CCAR1: variants seen among roughly 807,000 people sequenced by gnomAD.
CCAR1 encodes cell division cycle and apoptosis regulator 1.
In CCAR1, 78 loss-of-function variants were observed where a neutral mutation model predicts 163.8. That is an observed-to-expected ratio of 0.48 (90% CI 0.40 to 0.57). The LOEUF (loss-of-function observed/expected upper bound fraction) is 0.57. Among genes scored for constraint, CCAR1 ranks in the 20% least tolerant of loss-of-function variants. The pLI is 0.00. For synonymous variants in CCAR1, 443 were observed against 460.7 expected, an observed-to-expected ratio of 0.96 and a Z score of 0.49; for missense variants, 1,019 against 1,365.2, an observed-to-expected ratio of 0.75 and a Z score of 4.00.
chr10:68,786,212 A>G lies in CCAR1; in HGVS notation c.2727A>G (p.Lys909=). 1.3e-6 allele frequency: 2 copies of G among 1,598,468 alleles called. No individual in the cohort carries two copies. Among genetic ancestry groups the G allele is most frequent in the Admixed American group, 3.3e-5 (2 of 59,784 alleles). ...INRYCKERPS[K]DKEKEKTQMI... ...GATACTGCAAGGAGAGGCCCTCTAA[A>G]GATAAGGTGTTTATTGAATACTGTA... Residue 909 remains lysine (K), a synonymous_variant, in exon 20 of 25, where the codon AAA becomes AAG. Transcript: ENST00000265872.
intron 2 of CCAR1, among the ~76,000 whole-genome samples, chr10:68,733,909 C>T (rs1326170677): frequency 1.3e-5 from 2 of 152,116 alleles, no homozygotes; most frequent in East Asian, 1.9e-4. Context: ...GGTGATCTAC[C>T]CTGCTCAGCC....
At chr10:68,780,081 A>T (rs2056717567) in intron 19 of CCAR1, among the ~76,000 whole-genome samples, 1 of 152,248 alleles carries the variant, frequency 6.6e-6, no homozygotes, top group Non-Finnish European at 1.5e-5. Context: ...CAAGTTTCGG[A>T]TGAGACAGTT....
chr10:68,762,681 A>C (rs1449757500), intron 16 of CCAR1, among the ~76,000 whole-genome samples: 1 of 152,230 alleles, frequency 6.6e-6, no homozygotes, highest in Non-Finnish European at 1.5e-5. Flanking sequence ...TTACTTCCAG[A>C]AATGTTTGCT....
rs1002966204 is a variant in CCAR1 at position 68,747,262 on chromosome 10, C to T, written c.620C>T (p.Thr207Ile). ...PFKWNAQRIQ[T>I]LPNQNQSQTQ... is the part of the protein sequence containing the mutation. ...AAATGGAATGCACAGAGAATTCAAA[C>T]ACTACCAAATCAGGTACAGAAAGTA... The change falls in exon 7 of 25, where the codon ACA (threonine) becomes ATA (isoleucine). Residue 207 changes from threonine (T) to isoleucine (I), a missense_variant. Around this residue, in one of 4 missense-constraint regions of CCAR1, gnomAD observed 644 missense variants for 904.4 expected, o/e 0.71. Coordinates refer to ENST00000265872, the MANE Select transcript of CCAR1 (RefSeq NM_018237.4). 1.2e-6 allele frequency: 2 copies of T among 1,604,548 alleles called. No homozygotes were observed. The highest frequency in any genetic ancestry group is 1.7e-6 in the Non-Finnish European group (2 of 1,173,674).
chr10:68,791,447 G>T lies in CCAR1; in HGVS notation c.*181G>T. ...TTTTGAAAATTGCTTGTAATTCCTA[G>T]CCTTCAAATTATTAAACACTCCTTG... is the stretch of plus-strand genomic sequence containing the variant. On this transcript the variant is annotated 3_prime_UTR_variant, in exon 25 of 25. Coordinates refer to ENST00000265872, the MANE Select transcript of CCAR1 (RefSeq NM_018237.4). 1 of 438,322 alleles carries T rather than the reference G, an allele frequency of 2.3e-6. No homozygotes were observed. The allele number at this position is 438,322 out of a possible 1,614,324, so 27.2% of individuals were successfully genotyped here.
At chr10:68,731,839 C>T (rs935573901) in intron 2 of CCAR1, among the ~76,000 whole-genome samples, 1 of 152,070 alleles carries the variant, frequency 6.6e-6, no homozygotes, top group South Asian at 2.1e-4. Flanking sequence ...AATTCACCCA[C>T]CTTGGCCTCC....
At chr10:68,736,036 A>C (rs1450437757) in intron 2 of CCAR1, among the ~76,000 whole-genome samples, 1 of 151,976 alleles carries the variant, frequency 6.6e-6, no homozygotes, top group Non-Finnish European at 1.5e-5. Flanking sequence ...TATTTTTAGT[A>C]GAGATGGGGT....
At chr10:68,741,038 T>C (rs2133332225) in intron 5 of CCAR1, among the ~76,000 whole-genome samples, 1 of 151,862 alleles carries the variant, frequency 6.6e-6, no homozygotes, top group South Asian at 2.1e-4. Context: ...CTCAGCCTCC[T>C]GAGTAGCTGG....
chr10:68,766,867 T>TG, intron 17 of CCAR1, among the ~76,000 whole-genome samples: 1 of 152,244 alleles, frequency 6.6e-6, no homozygotes, highest in Non-Finnish European at 1.5e-5. Flanking sequence ...TTTCTGTTGT[T>TG]TTTTTGTTGT....
At chr10:68,749,839 T>C (rs2056307859) in intron 10 of CCAR1, among the ~76,000 whole-genome samples, 154 bp downstream of exon 10, 1 of 152,238 alleles carries the variant, frequency 6.6e-6, no homozygotes, top group African/African-American at 2.4e-5. Context: ...AACTTAATTA[T>C]CTACAATGCT....
At chr10:68,761,223 G>A (rs746414544) in intron 16 of CCAR1, 31 bp downstream of exon 16, 32 of 1,351,004 alleles carry the variant, frequency 2.4e-5, no homozygotes, top group Non-Finnish European at 3.1e-5. Flanking sequence ...TATACTCTAT[G>A]GTATTAATAT....
intron 16 of CCAR1, among the ~76,000 whole-genome samples, chr10:68,762,452 G>A (rs1476857367): frequency 6.6e-6 from 1 of 152,018 alleles, no homozygotes. Flanking sequence ...ATGTTTGATT[G>A]AGTCAAACCT....
In CCAR1 at chr10:68,721,296, C is replaced by A. The variant is rs1047985356; in HGVS notation, c.-51+14C>A. On this transcript the variant is annotated intron_variant, in intron 1 of 24. Coordinates refer to ENST00000265872, the MANE Select transcript of CCAR1 (RefSeq NM_018237.4). ...GACCCGACTCAGGTGAAGGTCTGGT[C>A]CCCGTAGTTGGAGCAGTGGGCGGCC... 9.5e-6 allele frequency: 2 copies of A among 209,992 alleles called. No homozygotes were observed. The highest frequency in any genetic ancestry group is 4.4e-5 in the South Asian group (1 of 22,618). 13.0% of individuals were successfully genotyped at this position (209,992 alleles called of 1,614,324 possible).
Position 68,772,927 on chromosome 10 carries a change from A to G in CCAR1, c.2539-61A>G, listed in dbSNP as rs1026887735. The G allele has an allele frequency of 1.0e-5, 9 of 894,216 alleles. No homozygotes were observed. The African/African-American group carries it at 1.6e-4, about 15-fold the overall frequency. 55.4% of individuals were successfully genotyped at this position (894,216 alleles called of 1,614,324 possible). Reference sequence around the variant, plus strand: ...CGGGTTGGAGACCAGCGTGGGCAATATGGCAAAACCCCGTCTTCTAAAAAT... The same window carrying G: ...CGGGTTGGAGACCAGCGTGGGCAATGTGGCAAAACCCCGTCTTCTAAAAAT... On this transcript the variant is annotated intron_variant, in intron 18 of 24. Transcript: ENST00000265872.
chr10:68,763,750 CAAT>C, intron 16 of CCAR1, among the ~76,000 whole-genome samples: 1 of 152,250 alleles, frequency 6.6e-6, no homozygotes, highest in East Asian at 1.9e-4. Context: ...GCTCAGCCCT[CAAT>C]GAGTTATTTT....
At chr10:68,723,317 G>A (rs10998403) in intron 2 of CCAR1, among the ~76,000 whole-genome samples, 6,366 of 147,734 alleles carry the variant, frequency 0.043, 261 homozygotes, top group East Asian at 0.24. Context: ...TTTTAGTAGA[G>A]ACGGGGTTTC....
At chr10:68,763,220 G>A (rs746657279) in intron 16 of CCAR1, among the ~76,000 whole-genome samples, 4 of 152,016 alleles carry the variant, frequency 2.6e-5, no homozygotes, top group Non-Finnish European at 4.4e-5. Context: ...GTGCGATCTC[G>A]GCTCACTGCA....
chr10:68,736,831 T>G, intron 2 of CCAR1, 45 bp from the exon 3 acceptor site: 1 of 1,550,006 alleles, frequency 6.5e-7, no homozygotes, highest in Non-Finnish European at 8.8e-7. Flanking sequence ...TTTTATATTC[T>G]TCTTAATCTT....
intron 17 of CCAR1, among the ~76,000 whole-genome samples, chr10:68,766,899 T>C (rs1443729614): frequency 1.3e-5 from 2 of 152,186 alleles, no homozygotes; most frequent in Admixed American, 6.5e-5. Context: ...TGGGAAAAAA[T>C]AGATGATTTG....
Sources: allele counts gnomAD v4.1 joint callset (sites outside exome capture counted in the v4.1 genomes callset), GRCh38; gene constraint gnomAD v4.1.1; regional missense constraint gnomAD v4.1.1; transcripts MANE v1.5; gene names NCBI Gene and HGNC (gene_info 2026-07-23, HGNC 2026-07-21).